The following TACC3 variants were observed in gnomAD, a reference collection of about 807,000 sequenced individuals.
TACC3 encodes the protein transforming acidic coiled-coil containing protein 3, also known as transforming acidic coiled-coil-containing protein 3.
TACC3 carries 52 observed loss-of-function variants against 86.0 expected under a neutral mutation model. The observed-to-expected ratio is 0.60, with a 90% confidence interval of 0.48 to 0.76. The LOEUF (loss-of-function observed/expected upper bound fraction) is 0.76. Ranked by LOEUF, TACC3 falls within the 30% of genes least tolerant of loss-of-function variation. TACC3 has a pLI of 0.00. For synonymous variants in TACC3, 512 were observed against 430.0 expected (o/e 1.19, Z -2.36); for missense variants, 1,120 against 1,070.4 (o/e 1.05, Z -0.65).
intron 12 of TACC3, 54 bp downstream of exon 12, chr4:1,740,056 C>T: frequency 6.3e-7 from 1 of 1,585,812 alleles, no homozygotes; most frequent in Non-Finnish European, 8.6e-7. Context: ...TGCCTATGCC[C>T]CACCCTGGCC....
Position 1,739,703 on chromosome 4 carries a change from TA to T in TACC3, c.1946del (p.Lys649ArgfsTer10). On this transcript the variant is annotated frameshift_variant and splice_region_variant, in exon 11 of 16. Transcript: ENST00000313288. LOFTEE classifies it high-confidence loss of function. ...CTGACTTGGGTGTGGCCTGAGCAGG[TA>T]AAGGCGACACAGGAGGAGAACCGGG... Reference protein sequence around the residue: ...QYSQKDLDAVVKATQEENREL... With the variant: ...QYSQKDLDAVXKATQEENREL... The T allele has an allele frequency of 6.3e-7, 1 of 1,576,214 alleles. No individual in the cohort carries two copies. The highest frequency in any genetic ancestry group is 8.6e-7 in the Non-Finnish European group (1 of 1,162,356).
intron 3 of TACC3, 75 bp from the exon 4 acceptor site, chr4:1,727,633 G>T (rs1703708747): frequency 1.3e-6 from 2 of 1,520,418 alleles, no homozygotes; most frequent in Non-Finnish European, 8.8e-7. Context: ...TTAAACCTAT[G>T]TTGAGAATGA....
At chr4:1,742,468 C>T (rs911860890) in intron 13 of TACC3, among the ~76,000 whole-genome samples, 10 of 152,224 alleles carry the variant, frequency 6.6e-5, no homozygotes, top group African/African-American at 1.4e-4. Flanking sequence ...CCATCTTGGA[C>T]GACCCAGTGC....
intron 6 of TACC3, among the ~76,000 whole-genome samples, chr4:1,733,993 AAAG>A (rs1203453307): frequency 6.6e-6 from 1 of 151,894 alleles, no homozygotes; most frequent in African/African-American, 2.4e-5. Context: ...AAAAAAAAGA[AAAG>A]AAAACTGACA....
intron 1 of TACC3, among the ~76,000 whole-genome samples, chr4:1,722,295 T>C (rs1717438073): frequency 6.6e-6 from 1 of 152,178 alleles, no homozygotes; most frequent in Non-Finnish European, 1.5e-5. Flanking sequence ...TCCGAGTCAC[T>C]TTCTCCCTGA....
upstream of TACC3, chr4:1,720,713 C>T (rs1157239672): frequency 1.9e-6 from 3 of 1,559,110 alleles, no homozygotes; most frequent in Non-Finnish European, 2.6e-6. The surrounding 1 kb of genome is among the most constrained non-coding windows in gnomAD (Gnocchi z 4.4). Context: ...GTCCTCGCTG[C>T]CCAGCCAGCC....
intron 8 of TACC3, among the ~76,000 whole-genome samples, chr4:1,736,379 C>T (rs993605699): frequency 4.3e-5 from 6 of 138,870 alleles, no homozygotes; most frequent in East Asian, 4.3e-4. Flanking sequence ...GCTGAGATTG[C>T]GCCACTGCAC....
intron 12 of TACC3, 150 bp from the exon 13 acceptor site, chr4:1,740,676 G>A (rs1718548827): frequency 1.5e-6 from 1 of 675,324 alleles, no homozygotes; most frequent in Non-Finnish European, 2.6e-6. Flanking sequence ...AAGATCCTGG[G>A]TGGAGGGACC....
Position 1,727,998 on chromosome 4 carries a change from C to T in TACC3, c.596C>T (p.Ser199Phe), listed in dbSNP as rs769774078. The change falls in exon 4 of 16, where the codon TCT becomes TTT. Residue 199 changes from serine (S) to phenylalanine (F), a missense_variant. By Grantham distance (155) the Ser-to-Phe change is radical. Transcript: ENST00000313288. ...YSLDRRVTPA[S>F]ETLEDPCRTE... ...TTAGACAGAAGAGTGACACCCGCCT[C>T]TGAGACCCTAGAAGACCCTTGCAGG... 1.2e-6 allele frequency: 2 copies of T among 1,613,326 alleles called. No homozygotes were observed. The highest frequency in any genetic ancestry group is 1.7e-6 in the Non-Finnish European group (2 of 1,180,028).
At position 1,723,963 on chromosome 4, in the gene TACC3, G is replaced by A. The variant is rs116344455; in HGVS notation, c.305+93G>A. ...TGCTGTCTTGTTCTATCAGGCCTTG[G>A]CTGGATTTTTTGTTTGTTTGTTTGA... On this transcript the variant is annotated intron_variant, in intron 3 of 15. Transcript: ENST00000313288. 3.7e-3 allele frequency: 5,269 copies of A among 1,421,366 alleles called. 181 individuals are homozygous for A. The African/African-American group carries it at 0.066, about 18-fold the overall frequency. The allele number at this position is 1,421,366 out of a possible 1,614,324, so 88.0% of individuals were successfully genotyped here. A position where few individuals can be genotyped will look rare whatever the true frequency, so the allele number is the denominator to read the frequency against.
chr4:1,726,580 G>A (rs1242695234), intron 3 of TACC3, among the ~76,000 whole-genome samples: 1 of 152,222 alleles, frequency 6.6e-6, no homozygotes, highest in East Asian at 1.9e-4. Flanking sequence ...TCGGAATGCT[G>A]TCAGGTCCCT....
At chr4:1,741,149 C>A in intron 13 of TACC3, 163 bp downstream of exon 13, 1 of 632,582 alleles carries the variant, frequency 1.6e-6, no homozygotes, top group Non-Finnish European at 2.6e-6. Context: ...GTGCAGGAGT[C>A]ACAGCATAGC....
intron 6 of TACC3, among the ~76,000 whole-genome samples, chr4:1,733,416 G>A (rs1311698929): frequency 6.6e-6 from 1 of 152,136 alleles, no homozygotes; most frequent in Non-Finnish European, 1.5e-5. Context: ...AGCATTTTGC[G>A]GGGCCGAGGC....
chr4:1,742,916 G>A (rs532892040), intron 13 of TACC3, among the ~76,000 whole-genome samples: 3 of 149,724 alleles, frequency 2.0e-5, no homozygotes, highest in East Asian at 1.9e-4. Context: ...GCAGTGAGCC[G>A]ATATGGCACC....
At chr4:1,723,272 A>C in intron 1 of TACC3, 149 bp from the exon 2 acceptor site, 2 of 752,492 alleles carry the variant, frequency 2.7e-6, no homozygotes, top group Non-Finnish European at 4.3e-6. Flanking sequence ...TTCTCTGCCA[A>C]GAGACACGTG....
rs1165257922 is a variant in TACC3, at chr4:1,723,285, G to A, written c.-1-136G>A. The A allele has an allele frequency of 3.7e-6, 3 of 809,028 alleles. No individual in the cohort carries two copies. The East Asian group carries it at 8.0e-5, about 22-fold the overall frequency. 50.1% of individuals were successfully genotyped at this position (809,028 alleles called of 1,614,324 possible). On this transcript the variant is annotated intron_variant, in intron 1 of 15. Transcript: ENST00000313288. The stretch of plus-strand genomic sequence containing the variant: ...CTTTCTCTGCCAAGAGACACGTGTG[G>A]GAGGTGTGAGTTCCAGAGCAATGAG...
At chr4:1,723,256 G>A (rs1382779631) in intron 1 of TACC3, 165 bp from the exon 2 acceptor site, 1 of 696,098 alleles carries the variant, frequency 1.4e-6, no homozygotes, top group Non-Finnish European at 2.4e-6. Context: ...GACTCAGTCT[G>A]AGGCTTTCTC....
chr4:1,731,095 C>A, intron 5 of TACC3, 77 bp from the exon 6 acceptor site: 1 of 1,599,454 alleles, frequency 6.3e-7, no homozygotes, highest in Non-Finnish European at 8.6e-7. Context: ...TCTACTTCAA[C>A]AAGGTTGTGG....
At chr4:1,740,554 G>A (rs529886485) in intron 12 of TACC3, 1 of 398,382 alleles carries the variant, frequency 2.5e-6, no homozygotes, top group Non-Finnish European at 4.5e-6. Context: ...CCTCACCCTA[G>A]GCTCTAGGGT....
Sources: gnomAD v4.1 joint callset for allele counts (sites outside exome capture counted in the v4.1 genomes callset) on GRCh38, gnomAD v4.1.1 for gene constraint, Gnocchi (gnomAD v3.1) non-coding constraint, MANE v1.5 for transcripts, NCBI Gene and HGNC (gene_info 2026-07-23, HGNC 2026-07-21) for gene names.